ACSS3: variants seen among roughly 807,000 people sequenced by gnomAD.
The protein encoded by ACSS3 is acyl-CoA synthetase short chain family member 3.
ACSS3 carries 64 observed loss-of-function variants against 84.2 expected under a neutral mutation model. The observed-to-expected ratio is 0.76, with a 90% CI of 0.62 to 0.94. ACSS3 has a LOEUF of 0.94. Among genes scored for constraint, ACSS3 ranks in the 40% least tolerant of loss-of-function variants. ACSS3 has a pLI of 0.00. For synonymous variants in ACSS3, 317 were observed against 310.1 expected (o/e 1.02, Z -0.23); for missense variants, 815 against 867.6 (o/e 0.94, Z 0.76).
rs951171224 is a variant in ACSS3 at position 81,224,581 on chromosome 12, T to C, written c.1514+4505T>C. 8.7e-4 allele frequency among the ~76,000 whole-genome samples: 132 copies of C among 150,880 alleles called. 3 individuals carry two copies. In the South Asian group the frequency reaches 0.012, roughly 14 times the overall value. Reference sequence around the variant, plus strand: ...ATATATACACACACACACATGTGTGTGTGTGTGTGTGTGTGTGTGTATGCA... The same window carrying C: ...ATATATACACACACACACATGTGTGCGTGTGTGTGTGTGTGTGTGTATGCA... On this transcript the variant is annotated intron_variant, in intron 11 of 15. Transcript: ENST00000548058.
chr12:81,101,361 C>T (rs554262694), intron 1 of ACSS3, among the ~76,000 whole-genome samples: 54 of 151,976 alleles, frequency 3.6e-4, no homozygotes, highest in Non-Finnish European at 7.2e-4. Context: ...AATACGTGCT[C>T]AAATAACTCA....
intron 9 of ACSS3, 131 bp from the exon 10 acceptor site, chr12:81,216,770 G>T (rs952746124): frequency 1.9e-6 from 1 of 527,956 alleles, no homozygotes; most frequent in East Asian, 3.6e-5. Context: ...TAATATATTT[G>T]CACTATTCAT....
chr12:81,207,703 G>A (rs900034701), intron 9 of ACSS3, among the ~76,000 whole-genome samples: 23 of 152,068 alleles, frequency 1.5e-4, no homozygotes, highest in Non-Finnish European at 1.5e-4. Context: ...AAATGTAACC[G>A]TAGAGATTTT....
chr12:81,161,558 G>A (rs907701924), intron 7 of ACSS3, among the ~76,000 whole-genome samples: 1 of 152,124 alleles, frequency 6.6e-6, no homozygotes, highest in Non-Finnish European at 1.5e-5. Flanking sequence ...ATCTCTTACT[G>A]AATGCTTTTT....
chr12:81,213,922 T>G, intron 9 of ACSS3, among the ~76,000 whole-genome samples: 1 of 100,812 alleles, frequency 9.9e-6, no homozygotes, highest in Non-Finnish European at 2.0e-5. Flanking sequence ...CCTTCCTTCC[T>G]TCCTTCCTTC....
chr12:81,232,673 T>G (rs2033504529), intron 12 of ACSS3, among the ~76,000 whole-genome samples: 1 of 151,758 alleles, frequency 6.6e-6, no homozygotes, highest in African/African-American at 2.4e-5. Flanking sequence ...ATACTGAGTC[T>G]CAGAAAGTCT....
At chr12:81,235,639 T>C (rs7139203) in intron 13 of ACSS3, among the ~76,000 whole-genome samples, 31,059 of 151,384 alleles carry the variant, frequency 0.21, 3,263 homozygotes, top group Middle Eastern at 0.22. Context: ...TTCTTTAGGA[T>C]TTCTTTGGTA....
At chr12:81,107,007 T>G (rs1883063514) in intron 1 of ACSS3, among the ~76,000 whole-genome samples, 2 of 145,602 alleles carry the variant, frequency 1.4e-5, no homozygotes, top group Admixed American at 7.1e-5. Context: ...GGGGTGGGGG[T>G]GGAGGTGGAG....
chr12:81,257,914 C>T lies in ACSS3; in HGVS notation c.*2992C>T, dbSNP rs1377581115. ...TATTATAGATGATTAATCTTTCTAA[C>T]TTGATCTTTAAAAGAAAGAAATTGA... is the stretch of plus-strand genomic sequence containing the variant. On this transcript the variant is annotated 3_prime_UTR_variant, in exon 16 of 16. Transcript: ENST00000548058. 1 of 152,032 alleles carries T rather than the reference C, an allele frequency of 6.6e-6. No homozygotes were observed. The highest frequency in any genetic ancestry group is 1.5e-5 in the Non-Finnish European group (1 of 67,982). The allele number at this position is 152,032 out of a possible 1,614,324, so 9.4% of individuals were successfully genotyped here.
At chr12:81,241,559 T>G (rs2033804836) in intron 13 of ACSS3, among the ~76,000 whole-genome samples, 1 of 152,206 alleles carries the variant, frequency 6.6e-6, no homozygotes, top group Admixed American at 6.5e-5. Flanking sequence ...CTCATTGTGG[T>G]TTTGATTTGC....
At chr12:81,106,347 T>C (rs1882997169) in intron 1 of ACSS3, among the ~76,000 whole-genome samples, 1 of 152,208 alleles carries the variant, frequency 6.6e-6, no homozygotes, top group Non-Finnish European at 1.5e-5. Context: ...TGATGATTTG[T>C]CGCTGTCTTC....
chr12:81,204,821 A>G (rs2032276113), intron 9 of ACSS3, among the ~76,000 whole-genome samples: 1 of 152,190 alleles, frequency 6.6e-6, no homozygotes, highest in South Asian at 2.1e-4. Flanking sequence ...CAACTTGAGC[A>G]GCACTAGGTG....
chr12:81,152,001 G>A lies in ACSS3; in HGVS notation c.1003G>A (p.Val335Met), dbSNP rs1321923344. Residue 335 changes from valine (V) to methionine (M), a missense_variant and splice_region_variant, in exon 7 of 16, where the codon GTG becomes ATG. Transcript: ENST00000548058. Reference protein sequence around the residue: ...SSIYGLQPGEVWWAASDLGWV... With the variant: ...SSIYGLQPGEMWWAASDLGWV... The stretch of plus-strand genomic sequence containing the variant: ...TTCATTTTATTATCTTATTTTTTAG[G>A]TGTGGTGGGCAGCTTCTGACTTAGG... 6.2e-7 allele frequency: 1 copy of A among 1,613,150 alleles called. No individual in the cohort carries two copies.
chr12:81,164,402 A>G (rs1403388599), intron 7 of ACSS3, among the ~76,000 whole-genome samples: 1 of 152,196 alleles, frequency 6.6e-6, no homozygotes, highest in Non-Finnish European at 1.5e-5. Flanking sequence ...CATATGTCAG[A>G]AAGTATTCTC....
chr12:81,135,489 A>T (rs1352998228), intron 3 of ACSS3, among the ~76,000 whole-genome samples: 1 of 149,092 alleles, frequency 6.7e-6, no homozygotes, highest in African/African-American at 2.5e-5. Flanking sequence ...CACACCATGG[A>T]ATACTTCTCA....
chr12:81,082,092 A>T (rs1299848006), intron 1 of ACSS3, among the ~76,000 whole-genome samples: 1 of 152,232 alleles, frequency 6.6e-6, no homozygotes. Context: ...TTTTAGATGC[A>T]GGGGTACATG....
chr12:81,215,195 T>C (rs1253787492), intron 9 of ACSS3, among the ~76,000 whole-genome samples: 1 of 152,164 alleles, frequency 6.6e-6, no homozygotes, highest in Non-Finnish European at 1.5e-5. Flanking sequence ...GAGTATTAGA[T>C]GGCTATGGAT....
chr12:81,229,189 T>C (rs1006751245), intron 11 of ACSS3, among the ~76,000 whole-genome samples: 2 of 151,804 alleles, frequency 1.3e-5, no homozygotes, highest in Non-Finnish European at 2.9e-5. Flanking sequence ...AATGGCACCA[T>C]AAAATACAGA....
In ACSS3 at chr12:81,125,558, G is replaced by A. The variant is rs1885031397; in HGVS notation, c.457-9258G>A. Reference sequence around the variant, plus strand: ...TTCATTCTAATTATCCTTCTTAAATGCTTCTTTTGCCTGTCCCTTCACTAC... The same window carrying A: ...TTCATTCTAATTATCCTTCTTAAATACTTCTTTTGCCTGTCCCTTCACTAC... On this transcript the variant is annotated intron_variant, in intron 2 of 15. Transcript: ENST00000548058. 2.0e-5 allele frequency: 3 copies of A among 151,958 alleles called. No homozygotes were observed. In the South Asian group the frequency reaches 6.2e-4, roughly 32 times the overall value. 9.4% of individuals were successfully genotyped at this position (151,958 alleles called of 1,614,324 possible).
Sources: gnomAD v4.1 joint callset for allele counts (sites outside exome capture counted in the v4.1 genomes callset) on GRCh38, gnomAD v4.1.1 for gene constraint, MANE v1.5 for transcripts, NCBI Gene and HGNC (gene_info 2026-07-23, HGNC 2026-07-21) for gene names.